Variants in CUBN observed in about 807,000 individuals in gnomAD.
The protein encoded by CUBN is 460 kDa receptor.
CUBN carries 282 observed loss-of-function variants against 405.3 expected under a neutral mutation model. That is an observed-to-expected ratio of 0.70 (90% CI 0.63 to 0.77). CUBN has a LOEUF of 0.77. CUBN is among the 30% of genes least tolerant of loss of function. The pLI, the probability that CUBN is intolerant of heterozygous loss-of-function variation, is 0.00. For synonymous variants in CUBN, 1,684 were observed against 1,617.0 expected (o/e 1.04, Z -0.99); for missense variants, 4,514 against 4,475.2 (o/e 1.01, Z -0.25).
rs1838704681 is a variant in CUBN, at chr10:16,824,172, C to T, written c.*803G>A. 6.6e-6 allele frequency: 1 copy of T among 152,198 alleles called. No homozygotes were observed. The highest frequency in any genetic ancestry group is 6.5e-5 in the Admixed American group (1 of 15,272). The allele number at this position is 152,198 out of a possible 1,614,324, so 9.4% of individuals were successfully genotyped here. On this transcript the variant is annotated 3_prime_UTR_variant, in exon 67 of 67. Coordinates refer to ENST00000377833, the MANE Select transcript of CUBN (RefSeq NM_001081.4). ...GGCTCAAGTGATCCTCCTGCTTCAA[C>T]CTCCTGTGTAGCTGGAACCACGGGT...
At chr10:16,921,784 G>A (rs1251908892) in intron 43 of CUBN, among the ~76,000 whole-genome samples, 1 of 152,128 alleles carries the variant, frequency 6.6e-6, no homozygotes, top group Non-Finnish European at 1.5e-5. Context: ...ACATCCTCAT[G>A]ACTTAAATGA....
intron 15 of CUBN, among the ~76,000 whole-genome samples, chr10:17,087,738 G>A (rs989174861): frequency 1.3e-5 from 2 of 152,130 alleles, no homozygotes; most frequent in African/African-American, 4.8e-5. Flanking sequence ...GCCTCCCAAA[G>A]TGCAGGGATT....
intron 26 of CUBN, among the ~76,000 whole-genome samples, chr10:17,041,737 A>G (rs1374909857): frequency 6.6e-6 from 1 of 152,192 alleles, no homozygotes; most frequent in Non-Finnish European, 1.5e-5. Flanking sequence ...TGAACATTCA[A>G]AAGTCTGCAT....
chr10:16,857,760 G>A (rs941881161), intron 59 of CUBN, among the ~76,000 whole-genome samples: 13 of 152,136 alleles, frequency 8.5e-5, no homozygotes, highest in Non-Finnish European at 1.8e-4. Flanking sequence ...CCTAAGATCA[G>A]GAACAAGGCA....
rs200683765 is a variant in CUBN at position 17,013,302 on chromosome 10, CTCTCTCTG to C, written c.4168+6523_4168+6530del. ...CTTTTGACTTCCTATCTTTCTCTTT[CTCTCTCTG>C]TCTCTCTGTCTCTTCTTCTCTCTCA... On this transcript the variant is annotated intron_variant, in intron 28 of 66. Transcript: ENST00000377833. 8.6e-5 allele frequency among the ~76,000 whole-genome samples: 13 copies of C among 151,610 alleles called. 1 individual carries two copies. Among genetic ancestry groups the C allele is most frequent in the Admixed American group, 7.9e-4 (12 of 15,212 alleles).
At chr10:17,118,652 G>C (rs894161407) in intron 6 of CUBN, among the ~76,000 whole-genome samples, 5 of 152,176 alleles carry the variant, frequency 3.3e-5, no homozygotes, top group Non-Finnish European at 7.3e-5. Flanking sequence ...AGCAAGGCTG[G>C]TCTCGAACTC....
At chr10:16,913,694 T>C in intron 48 of CUBN, 117 bp downstream of exon 48, 1 of 1,126,632 alleles carries the variant, frequency 8.9e-7, no homozygotes, top group Non-Finnish European at 1.3e-6. Flanking sequence ...AGAATTTGTC[T>C]GAGTTATAGT....
At chr10:17,104,354 G>A in intron 12 of CUBN, 65 bp downstream of exon 12, 1 of 1,453,766 alleles carries the variant, frequency 6.9e-7, no homozygotes, top group Non-Finnish European at 9.7e-7. Flanking sequence ...ATCTGTTGAG[G>A]GACTCACTAA....
intron 40 of CUBN, among the ~76,000 whole-genome samples, chr10:16,929,834 C>T (rs556162415): frequency 1.2e-4 from 18 of 152,214 alleles, no homozygotes; most frequent in East Asian, 1.9e-4. Flanking sequence ...TATTAGTTCA[C>T]GTGTATATTT....
intron 3 of CUBN, among the ~76,000 whole-genome samples, chr10:17,127,342 T>A (rs1438975129): frequency 6.8e-6 from 1 of 146,044 alleles, no homozygotes; most frequent in Non-Finnish European, 1.5e-5. Context: ...CATAGCTCAC[T>A]GCAGTCTCAA....
chr10:16,990,364 A>G lies in CUBN; in HGVS notation c.4320T>C (p.Tyr1440=). 6.2e-7 allele frequency: 1 copy of G among 1,614,176 alleles called. No homozygotes were observed. The part of the protein sequence containing the change: ...QLTIHDFDVE[Y]HSRCNFDVLE... ...AGACATCAAAGTTGCACCTTGAATG[A>G]TACTCCACATCGAAGTCATGGATGG... The change falls in exon 29 of 67, where the codon TAT becomes TAC. Residue 1440 remains tyrosine, a synonymous_variant. Transcript: ENST00000377833.
chr10:16,867,772 CT>C (rs1158463922), intron 59 of CUBN, among the ~76,000 whole-genome samples: 1 of 152,138 alleles, frequency 6.6e-6, no homozygotes, highest in African/African-American at 2.4e-5. Flanking sequence ...CAGTGTAAGA[CT>C]TTTCCTTCTG....
chr10:17,107,786 C>T (rs549261587), intron 10 of CUBN, among the ~76,000 whole-genome samples: 4 of 151,980 alleles, frequency 2.6e-5, no homozygotes, highest in African/African-American at 7.2e-5. Context: ...CGTGAGCCAC[C>T]GCGCCTGGCA....
intron 22 of CUBN, among the ~76,000 whole-genome samples, chr10:17,057,111 G>A (rs1430671431): frequency 6.6e-6 from 1 of 152,138 alleles, no homozygotes; most frequent in Non-Finnish European, 1.5e-5. Flanking sequence ...ACTCCACCCA[G>A]GAAGGTTTTG....
At chr10:17,039,886 C>T (rs891687665) in intron 27 of CUBN, among the ~76,000 whole-genome samples, 6 of 152,106 alleles carry the variant, frequency 3.9e-5, no homozygotes, top group Admixed American at 6.5e-5. Context: ...AAGGGAATCT[C>T]CTTATAGTTA....
chr10:16,982,475 G>A lies in CUBN; in HGVS notation c.4695+9C>T. 6.2e-7 allele frequency: 1 copy of A among 1,610,586 alleles called. No homozygotes were observed. The highest frequency in any genetic ancestry group is 8.5e-7 in the Non-Finnish European group (1 of 1,177,002). On this transcript the variant is annotated intron_variant, in intron 31 of 66. Transcript: ENST00000377833. ...ACTGGAGACAATGCTTGAAATTTATGTCACTTACCATAATACAAGAGTCTT... is the reference window on the plus strand; with the variant it reads ...ACTGGAGACAATGCTTGAAATTTATATCACTTACCATAATACAAGAGTCTT...
At chr10:16,878,246 C>T (rs1840569668) in intron 56 of CUBN, among the ~76,000 whole-genome samples, 1 of 152,120 alleles carries the variant, frequency 6.6e-6, no homozygotes, top group Non-Finnish European at 1.5e-5. Context: ...TGAGATCGCG[C>T]CACTTCACTC....
intron 31 of CUBN, among the ~76,000 whole-genome samples, chr10:16,972,746 A>T (rs2131674263): frequency 6.6e-6 from 1 of 151,986 alleles, no homozygotes; most frequent in African/African-American, 2.4e-5. Context: ...TCTTCAAGCA[A>T]ATAGGCTTCC....
intron 4 of CUBN, among the ~76,000 whole-genome samples, chr10:17,126,398 A>T (rs1837191721): frequency 6.6e-6 from 1 of 152,170 alleles, no homozygotes; most frequent in Non-Finnish European, 1.5e-5. Context: ...GTCAGAGAGG[A>T]TGCTTGCTTT....
Sources: allele counts gnomAD v4.1 joint callset (sites outside exome capture counted in the v4.1 genomes callset), GRCh38; gene constraint gnomAD v4.1.1; transcripts MANE v1.5; gene names NCBI Gene and HGNC (gene_info 2026-07-23, HGNC 2026-07-21).